Variants in CRKL observed in about 807,000 individuals in gnomAD.
CRKL encodes crk-like protein.
Under a neutral mutation model 23.0 loss-of-function variants are expected in CRKL, and 3 were observed. The observed-to-expected ratio is 0.13, with a 90% CI of 0.06 to 0.34. CRKL has a LOEUF of 0.34. Ranked by LOEUF, CRKL falls within the 10% of genes least tolerant of loss-of-function variation. The pLI, the probability that CRKL is intolerant of heterozygous loss-of-function variation, is 1.00. For missense variants in CRKL, 256 were observed against 394.5 expected (o/e 0.65, Z 2.97); for synonymous variants, 188 against 160.7 (o/e 1.17, Z -1.28).
At chr22:20,944,115 G>A (rs1921970507) in intron 2 of CRKL, among the ~76,000 whole-genome samples, 1 of 135,786 alleles carries the variant, frequency 7.4e-6, no homozygotes, top group Non-Finnish European at 1.6e-5. Flanking sequence ...TGTTGTATTT[G>A]TAGATCACTT....
chr22:20,935,179 C>T (rs1439239620), intron 2 of CRKL, among the ~76,000 whole-genome samples: 2 of 152,128 alleles, frequency 1.3e-5, no homozygotes, highest in Non-Finnish European at 2.9e-5. Flanking sequence ...GTGGCATGAT[C>T]TTGCCTCATG....
chr22:20,925,905 C>T (rs1295638307), intron 1 of CRKL, among the ~76,000 whole-genome samples: 2 of 152,182 alleles, frequency 1.3e-5, no homozygotes, highest in Non-Finnish European at 2.9e-5. Flanking sequence ...CTGCTAGACT[C>T]TTGGAATCTA....
At chr22:20,918,752 C>T (rs1158675214) in intron 1 of CRKL, among the ~76,000 whole-genome samples, 3 of 152,086 alleles carry the variant, frequency 2.0e-5, no homozygotes, top group Non-Finnish European at 2.9e-5. Flanking sequence ...CCACCACACC[C>T]AGCTAATTTT....
rs1922253764 is a variant in CRKL at position 20,950,978 on chromosome 22, CAG to C, written c.*1136_*1137del. 4.3e-6 allele frequency: 1 copy of C among 232,626 alleles called. No homozygotes were observed. Among genetic ancestry groups the C allele is most frequent in the Non-Finnish European group, 8.5e-6 (1 of 117,690 alleles). 14.4% of individuals were successfully genotyped at this position (232,626 alleles called of 1,614,324 possible). On this transcript the variant is annotated 3_prime_UTR_variant, in exon 3 of 3. Coordinates refer to ENST00000354336, the MANE Select transcript of CRKL (RefSeq NM_005207.4). Reference sequence around the variant, plus strand: ...TGGATTACTTTGTTTTAAAAAGCATCAGAGTTGGGGGTACTTTAGGGAAACCT... The same window carrying C: ...TGGATTACTTTGTTTTAAAAAGCATCAGTTGGGGGTACTTTAGGGAAACCT...
Position 20,928,904 on chromosome 22 carries a change from A to C in CRKL, c.312-4875A>C, listed in dbSNP as rs563902710. ...TTGATTGTATTGGTTCTTAGCATGC[A>C]TAAGGAGATTTTAAGCTTAGAACAT... On this transcript the variant is annotated intron_variant, in intron 1 of 2. Transcript: ENST00000354336. Among the ~76,000 whole-genome samples, 24 of 151,892 alleles carry C rather than the reference A, an allele frequency of 1.6e-4. No individual in the cohort carries two copies. In the South Asian group the frequency reaches 4.8e-3, roughly 30 times the overall value.
intron 2 of CRKL, among the ~76,000 whole-genome samples, chr22:20,941,589 T>TA (rs1491187455): frequency 0.11 from 3,489 of 32,120 alleles, 664 homozygotes; most frequent in South Asian, 0.17. Context: ...TATATATATA[T>TA]TTTTTTTTTT....
At chr22:20,941,553 TG>T (rs1921875384) in intron 2 of CRKL, among the ~76,000 whole-genome samples, 1 of 40,006 alleles carries the variant, frequency 2.5e-5, no homozygotes, top group Admixed American at 2.7e-4. Context: ...TGTGTGTGTG[TG>T]TGTGTGTGTG....
chr22:20,938,339 C>A (rs1317689234), intron 2 of CRKL, among the ~76,000 whole-genome samples: 1 of 152,048 alleles, frequency 6.6e-6, no homozygotes, highest in Non-Finnish European at 1.5e-5. Flanking sequence ...TCTTTTCTTG[C>A]TGACTTTTCT....
intron 1 of CRKL, among the ~76,000 whole-genome samples, chr22:20,919,228 A>C (rs990197930): frequency 1.3e-5 from 2 of 151,290 alleles, no homozygotes; most frequent in African/African-American, 4.9e-5. Flanking sequence ...TTACAAAGAT[A>C]AGAGAAGGTG....
rs1922275801 is a variant in CRKL at position 20,951,493 on chromosome 22, A to C, written c.*1648A>C. On this transcript the variant is annotated 3_prime_UTR_variant, in exon 3 of 3. Transcript: ENST00000354336. ...TCATCCATCATCTGCTGCACATAGC[A>C]GACTAGAATTCTGGGAACCCTGTGC... 2 of 228,252 alleles carry C rather than the reference A, an allele frequency of 8.8e-6. No homozygotes were observed. Among genetic ancestry groups the C allele is most frequent in the South Asian group, 1.8e-4 (1 of 5,484 alleles). The allele number at this position is 228,252 out of a possible 1,614,324, so 14.1% of individuals were successfully genotyped here. A position where few individuals can be genotyped will look rare whatever the true frequency, so the allele number is the denominator to read the frequency against.
chr22:20,922,990 T>G (rs1921046727), intron 1 of CRKL, among the ~76,000 whole-genome samples: 1 of 152,110 alleles, frequency 6.6e-6, no homozygotes, highest in Non-Finnish European at 1.5e-5. Context: ...AGTGTATTTT[T>G]ATTTAATAAG....
intron 1 of CRKL, among the ~76,000 whole-genome samples, chr22:20,929,105 G>GA (rs1352844266): frequency 9.9e-5 from 15 of 152,276 alleles, no homozygotes; most frequent in African/African-American, 3.6e-4. Context: ...CAAAAAGTGA[G>GA]AAGCATGGTC....
intron 2 of CRKL, among the ~76,000 whole-genome samples, chr22:20,948,724 T>A (rs142523855): frequency 3.7e-4 from 56 of 152,304 alleles, no homozygotes; most frequent in Non-Finnish European, 6.3e-4. Context: ...GGTCTCAAAC[T>A]CCTGGGCTCA....
chr22:20,923,378 G>A (rs914151236), intron 1 of CRKL, among the ~76,000 whole-genome samples: 1 of 151,332 alleles, frequency 6.6e-6, no homozygotes, highest in East Asian at 2.0e-4. Flanking sequence ...CTGGGTTCAC[G>A]CCATTCTCCT....
At chr22:20,929,421 T>C (rs535982356) in intron 1 of CRKL, among the ~76,000 whole-genome samples, 1 of 152,160 alleles carries the variant, frequency 6.6e-6, no homozygotes, top group South Asian at 2.1e-4. Flanking sequence ...CGCCTTGGCC[T>C]CCCAAAGTGC....
chr22:20,921,116 A>C (rs898741315), intron 1 of CRKL, among the ~76,000 whole-genome samples: 9 of 152,212 alleles, frequency 5.9e-5, no homozygotes, highest in African/African-American at 1.9e-4. Flanking sequence ...GGCCAAACGG[A>C]AAACTCAGTG....
chr22:20,928,153 T>C (rs1045140733), intron 1 of CRKL, among the ~76,000 whole-genome samples: 2 of 151,582 alleles, frequency 1.3e-5, no homozygotes, highest in African/African-American at 4.8e-5. Flanking sequence ...TGAGACTCTG[T>C]CTCAAAAAAA....
intron 2 of CRKL, among the ~76,000 whole-genome samples, chr22:20,947,066 A>G (rs1335380405): frequency 6.6e-6 from 1 of 152,230 alleles, no homozygotes; most frequent in Non-Finnish European, 1.5e-5. Flanking sequence ...CTAATGGTCA[A>G]GGGGCCACCA....
chr22:20,936,931 G>A (rs1174508483), intron 2 of CRKL, among the ~76,000 whole-genome samples: 1 of 151,562 alleles, frequency 6.6e-6, no homozygotes, highest in African/African-American at 2.4e-5. Context: ...TAGAATCTCA[G>A]CTCACTGCAA....
Sources: gnomAD v4.1 joint callset for allele counts (sites outside exome capture counted in the v4.1 genomes callset) on GRCh38, gnomAD v4.1.1 for gene constraint, MANE v1.5 for transcripts, NCBI Gene and HGNC (gene_info 2026-07-23, HGNC 2026-07-21) for gene names.